HDAC4: variants seen among roughly 807,000 people sequenced by gnomAD.
The protein encoded by HDAC4 is histone deacetylase 4, also known as histone deacetylase A.
In HDAC4, 16 loss-of-function variants were observed where a neutral mutation model predicts 135.1. That is an observed-to-expected ratio of 0.12 (90% CI 0.08 to 0.18). The LOEUF (loss-of-function observed/expected upper bound fraction) is 0.18. Among genes scored for constraint, HDAC4 ranks in the 10% least tolerant of loss-of-function variants. HDAC4 has a pLI of 1.00. For synonymous variants in HDAC4, 685 were observed against 653.4 expected (o/e 1.05, Z -0.74); for missense variants, 1,143 against 1,511.8 (o/e 0.76, Z 4.05).
chr2:239,274,459 T>C (rs573068904), intron 2 of HDAC4, among the ~76,000 whole-genome samples: 3 of 152,234 alleles, frequency 2.0e-5, no homozygotes, highest in African/African-American at 7.2e-5. Context: ...CCGCAAGAGA[T>C]GGGAATGAGC....
intron 3 of HDAC4, among the ~76,000 whole-genome samples, chr2:239,216,181 C>T (rs751801043): frequency 7.4e-4 from 93 of 125,800 alleles, no homozygotes; most frequent in Non-Finnish European, 1.5e-3. Flanking sequence ...AATATAAAAA[C>T]GCACGTGTTT....
At chr2:239,125,230 G>A (rs1209918146) in intron 12 of HDAC4, among the ~76,000 whole-genome samples, 1 of 152,248 alleles carries the variant, frequency 6.6e-6, no homozygotes, top group East Asian at 1.9e-4. Context: ...ATGAACGGCT[G>A]AACACCGTCT....
intron 3 of HDAC4, among the ~76,000 whole-genome samples, chr2:239,226,313 A>T (rs1422132898): frequency 6.6e-6 from 1 of 152,298 alleles, no homozygotes; most frequent in East Asian, 1.9e-4. Context: ...TCTTCCAACC[A>T]ATCATCACTT....
intron 3 of HDAC4, among the ~76,000 whole-genome samples, chr2:239,191,941 C>T (rs892634624): frequency 2.0e-5 from 3 of 152,218 alleles, no homozygotes; most frequent in East Asian, 1.9e-4. Context: ...CGGGCTGCCT[C>T]GTTGTTATTG....
intron 17 of HDAC4, among the ~76,000 whole-genome samples, chr2:239,092,280 G>A (rs79204093): frequency 0.012 from 1,867 of 150,852 alleles, 30 homozygotes; most frequent in African/African-American, 0.036. Flanking sequence ...AGGTGACATC[G>A]CAGGAGTGAG....
chr2:239,360,709 C>A (rs1179728256), intron 1 of HDAC4, among the ~76,000 whole-genome samples: 1 of 151,864 alleles, frequency 6.6e-6, no homozygotes, highest in East Asian at 1.9e-4. Context: ...TCTACCTGGT[C>A]CCTTGGGAAA....
intron 7 of HDAC4, among the ~76,000 whole-genome samples, chr2:239,148,205 G>C (rs570752506): frequency 1.1e-4 from 17 of 152,276 alleles, no homozygotes; most frequent in Admixed American, 1.0e-3. Context: ...AAATCCTAAA[G>C]TGACACCAAA....
At chr2:239,235,032 G>A (rs1334610880) in intron 3 of HDAC4, among the ~76,000 whole-genome samples, 2 of 152,098 alleles carry the variant, frequency 1.3e-5, no homozygotes, top group Non-Finnish European at 2.9e-5. Context: ...CAAAACTGTC[G>A]ACATAAGCCA....
intron 1 of HDAC4, among the ~76,000 whole-genome samples, chr2:239,393,491 C>T (rs997853667): frequency 7.9e-5 from 12 of 152,240 alleles, no homozygotes; most frequent in African/African-American, 2.4e-4. Flanking sequence ...CTGGCTCACG[C>T]ACTCTGGCCT....
intron 8 of HDAC4, among the ~76,000 whole-genome samples, chr2:239,142,676 T>C (rs1028452089): frequency 2.0e-5 from 3 of 150,876 alleles, no homozygotes; most frequent in Non-Finnish European, 2.9e-5. Flanking sequence ...GGCTCCTGGG[T>C]GAGCTCGGCA....
intron 2 of HDAC4, among the ~76,000 whole-genome samples, chr2:239,338,919 T>C (rs1692116539): frequency 6.6e-6 from 1 of 152,226 alleles, no homozygotes; most frequent in Admixed American, 6.5e-5. Flanking sequence ...GGTTCCCCAG[T>C]GGCTGAGTTT....
chr2:239,297,508 C>T (rs2051980319), intron 2 of HDAC4, among the ~76,000 whole-genome samples: 1 of 152,376 alleles, frequency 6.6e-6, no homozygotes, highest in South Asian at 2.1e-4. Context: ...GGCTCCCTGG[C>T]TGCCCGGCTA....
At chr2:239,178,679 C>T (rs896256706) in intron 4 of HDAC4, among the ~76,000 whole-genome samples, 1 of 152,228 alleles carries the variant, frequency 6.6e-6, no homozygotes, top group Non-Finnish European at 1.5e-5. Flanking sequence ...CTGCCTCACC[C>T]GGCCACTGGT....
chr2:239,081,388 C>G (rs2035308073), intron 21 of HDAC4, among the ~76,000 whole-genome samples, 196 bp from the exon 22 acceptor site: 1 of 152,230 alleles, frequency 6.6e-6, no homozygotes, highest in Non-Finnish European at 1.5e-5. Context: ...ACACTGACAT[C>G]AGCAAGGGGG....
At chr2:239,116,242 C>T (rs766138011) in intron 12 of HDAC4, among the ~76,000 whole-genome samples, 55 of 152,338 alleles carry the variant, frequency 3.6e-4, no homozygotes, top group Admixed American at 1.8e-3. Context: ...CGCTCTTTAC[C>T]TCCAGACCTA....
chr2:239,159,305 A>G (rs1559531356), intron 6 of HDAC4, among the ~76,000 whole-genome samples: 1 of 144,290 alleles, frequency 6.9e-6, no homozygotes, highest in African/African-American at 2.6e-5. Context: ...ACTCACGCCC[A>G]ACTACACTCA....
chr2:239,211,863 A>C (rs1488753662), intron 3 of HDAC4, among the ~76,000 whole-genome samples: 2 of 152,194 alleles, frequency 1.3e-5, no homozygotes, highest in African/African-American at 4.8e-5. Context: ...AAAACAAACA[A>C]TCCAGAGGTA....
chr2:239,238,458 G>A (rs1001776903), intron 2 of HDAC4, among the ~76,000 whole-genome samples: 1 of 152,142 alleles, frequency 6.6e-6, no homozygotes, highest in African/African-American at 2.4e-5. Context: ...CCCTGGTCAG[G>A]GTTCTGCAAC....
chr2:239,383,092 G>T (rs150062055), intron 1 of HDAC4, among the ~76,000 whole-genome samples: 34 of 152,248 alleles, frequency 2.2e-4, no homozygotes, highest in African/African-American at 7.9e-4. Flanking sequence ...GGCATGGTTG[G>T]CTTAATACCC....
Sources: allele counts gnomAD v4.1 joint callset (sites outside exome capture counted in the v4.1 genomes callset), GRCh38; gene constraint gnomAD v4.1.1; transcripts MANE v1.5; gene names NCBI Gene and HGNC (gene_info 2026-07-23, HGNC 2026-07-21).